The following DENND5B variants were observed in gnomAD, a reference collection of about 807,000 sequenced individuals.
DENND5B encodes the protein DENN domain containing 5B.
DENND5B carries 34 observed loss-of-function variants against 140.6 expected under a neutral mutation model. The ratio of observed to expected loss-of-function variants is 0.24; its 90% CI spans 0.18 to 0.32. The LOEUF is 0.32. Ranked by LOEUF, DENND5B falls within the 10% of genes least tolerant of loss-of-function variation. The pLI is 1.00. For synonymous variants in DENND5B, 551 were observed against 562.1 expected, an observed-to-expected ratio of 0.98 and a Z score of 0.28; for missense variants, 1,142 against 1,560.2, an observed-to-expected ratio of 0.73 and a Z score of 4.52.
intron 1 of DENND5B, among the ~76,000 whole-genome samples, chr12:31,542,732 G>A (rs778146216): frequency 6.6e-6 from 1 of 152,182 alleles, no homozygotes; most frequent in African/African-American, 2.4e-5. Flanking sequence ...AAAACGGGTG[G>A]ATTCTTTGAG....
chr12:31,504,455 C>A (rs1947118997), intron 1 of DENND5B, among the ~76,000 whole-genome samples: 1 of 152,192 alleles, frequency 6.6e-6, no homozygotes, highest in Admixed American at 6.5e-5. Flanking sequence ...GAAATAGGGA[C>A]CCCATCCCCA....
intron 1 of DENND5B, among the ~76,000 whole-genome samples, chr12:31,569,635 C>T (rs1405375102): frequency 3.9e-5 from 6 of 151,950 alleles, no homozygotes; most frequent in Non-Finnish European, 8.8e-5. Context: ...GTGGTGAACC[C>T]TGTCTCTATT....
chr12:31,399,833 TAC>T lies in DENND5B; in HGVS notation c.2950-63_2950-62del, dbSNP rs1240698101. On this transcript the variant is annotated intron_variant, in intron 15 of 20. Coordinates refer to ENST00000389082, the MANE Select transcript of DENND5B (RefSeq NM_144973.4). ...ATCCCATCCTGTTACATCTCAGCTT[TAC>T]AGGTACTTTGGTTCCGTCTAATTTA... 25 of 1,319,774 alleles carry T rather than the reference TAC, an allele frequency of 1.9e-5. No homozygotes were observed. In the African/African-American group the frequency reaches 2.8e-4, roughly 15 times the overall value. 81.8% of individuals were successfully genotyped at this position (1,319,774 alleles called of 1,614,324 possible).
rs542816278 is a variant in DENND5B at position 31,412,639 on chromosome 12, C to T, written c.2681+797G>A. 3.9e-5 allele frequency among the ~76,000 whole-genome samples: 6 copies of T among 152,290 alleles called. No individual in the cohort carries two copies. In the East Asian group the frequency reaches 1.2e-3, roughly 29 times the overall value. On this transcript the variant is annotated intron_variant, in intron 13 of 20. Coordinates refer to ENST00000389082, the MANE Select transcript of DENND5B (RefSeq NM_144973.4). The stretch of plus-strand genomic sequence containing the variant: ...CTGTGCAGCCCTGGTTCCTAACAGA[C>T]CACAGACCAGTACTGGTCCATGGCC...
At chr12:31,419,300 A>G (rs1179310028) in intron 11 of DENND5B, among the ~76,000 whole-genome samples, 5 of 152,226 alleles carry the variant, frequency 3.3e-5, no homozygotes, top group Admixed American at 3.3e-4. Flanking sequence ...AACTACAAAA[A>G]TAGCCAGATG....
intron 2 of DENND5B, among the ~76,000 whole-genome samples, chr12:31,490,510 G>A (rs1457434358): frequency 6.6e-6 from 1 of 152,012 alleles, no homozygotes; most frequent in African/African-American, 2.4e-5. Context: ...TACTTGGGGG[G>A]CTGAGGTGGA....
At chr12:31,474,977 C>T (rs1945727582) in intron 3 of DENND5B, among the ~76,000 whole-genome samples, 1 of 152,076 alleles carries the variant, frequency 6.6e-6, no homozygotes, top group South Asian at 2.1e-4. Context: ...AAGTGCAGTG[C>T]CCAATACAGT....
intron 1 of DENND5B, among the ~76,000 whole-genome samples, chr12:31,540,513 G>GT (rs1227854056): frequency 6.6e-6 from 1 of 151,990 alleles, no homozygotes; most frequent in Non-Finnish European, 1.5e-5. Context: ...AATTAGCCAG[G>GT]TGAGGTGGCG....
intron 3 of DENND5B, among the ~76,000 whole-genome samples, chr12:31,462,951 C>T (rs1041606497): frequency 2.7e-5 from 4 of 149,954 alleles, no homozygotes; most frequent in African/African-American, 9.8e-5. Context: ...AGTGAGACTC[C>T]GTCTCAGAAA....
At chr12:31,411,190 C>T (rs1006129168) in intron 13 of DENND5B, among the ~76,000 whole-genome samples, 1 of 151,990 alleles carries the variant, frequency 6.6e-6, no homozygotes, top group Non-Finnish European at 1.5e-5. Flanking sequence ...AGGCATGTGC[C>T]ACCACGCCTG....
At chr12:31,506,668 G>A (rs1947216425) in intron 1 of DENND5B, among the ~76,000 whole-genome samples, 2 of 152,072 alleles carry the variant, frequency 1.3e-5, no homozygotes, top group Admixed American at 6.6e-5. Flanking sequence ...AAGTCCCTCA[G>A]GTACACTAAA....
intron 19 of DENND5B, among the ~76,000 whole-genome samples, chr12:31,390,005 A>G (rs536025823): frequency 6.6e-6 from 1 of 152,292 alleles, no homozygotes; most frequent in African/African-American, 2.4e-5. Flanking sequence ...CAGAAGAAAA[A>G]AAAAAAATCA....
At chr12:31,561,458 AAATAAT>A (rs138596883) in intron 1 of DENND5B, among the ~76,000 whole-genome samples, 320 of 152,266 alleles carry the variant, frequency 2.1e-3, no homozygotes, top group Non-Finnish European at 3.7e-3. Flanking sequence ...ACCCTGTCTC[AAATAAT>A]AATAATAACA....
chr12:31,501,939 C>T (rs1947023847), intron 1 of DENND5B, among the ~76,000 whole-genome samples: 1 of 152,000 alleles, frequency 6.6e-6, no homozygotes, highest in South Asian at 2.1e-4. Flanking sequence ...ATGGGAACTC[C>T]ATTCTCAATT....
chr12:31,428,672 A>G (rs1593140308), intron 8 of DENND5B, among the ~76,000 whole-genome samples: 1 of 151,878 alleles, frequency 6.6e-6, no homozygotes, highest in Admixed American at 6.6e-5. Context: ...GGTTCAAGTG[A>G]TTTTCCTGCC....
intron 4 of DENND5B, among the ~76,000 whole-genome samples, chr12:31,453,543 G>A (rs1050966547): frequency 8.6e-5 from 13 of 152,016 alleles, no homozygotes; most frequent in Admixed American, 7.9e-4. Context: ...TAGATTGGGG[G>A]GTGGAGTGCC....
At chr12:31,400,245 G>A (rs1392125031) in intron 15 of DENND5B, among the ~76,000 whole-genome samples, 1 of 152,068 alleles carries the variant, frequency 6.6e-6, no homozygotes, top group Non-Finnish European at 1.5e-5. Context: ...AATTTTTTGT[G>A]GGTACACAGT....
At chr12:31,552,109 G>A (rs914686612) in intron 1 of DENND5B, among the ~76,000 whole-genome samples, 5 of 152,154 alleles carry the variant, frequency 3.3e-5, no homozygotes, top group Non-Finnish European at 7.3e-5. Flanking sequence ...ATGTTGAATA[G>A]GAGTCGTGAG....
rs556672307 is a variant in DENND5B, at chr12:31,487,994, C to A, written c.238-7739G>T. ...TTTTGGAGACGGAATCTCACTCTGTCGCCCAGTCTGGTATGCAGTGGTGTG... is the reference window on the plus strand; with the variant it reads ...TTTTGGAGACGGAATCTCACTCTGTAGCCCAGTCTGGTATGCAGTGGTGTG... On this transcript the variant is annotated intron_variant, in intron 2 of 20. Transcript: ENST00000389082. Among the ~76,000 whole-genome samples the A allele has an allele frequency of 9.2e-5, 14 of 152,192 alleles. No homozygotes were observed. The South Asian group carries it at 2.7e-3, about 29-fold the overall frequency.
Sources: allele counts gnomAD v4.1 joint callset (sites outside exome capture counted in the v4.1 genomes callset), GRCh38; gene constraint gnomAD v4.1.1; transcripts MANE v1.5; gene names NCBI Gene and HGNC (gene_info 2026-07-23, HGNC 2026-07-21).